The following CLEC4F variants were observed in gnomAD, a reference collection of about 807,000 sequenced individuals.
CLEC4F encodes C-type lectin domain family 4 member F, also known as C-type (calcium dependent, carbohydrate-recognition domain) lectin, superfamily member 13.
Under a neutral mutation model 53.4 loss-of-function variants are expected in CLEC4F, and 45 were observed. The observed-to-expected ratio is 0.84, with a 90% CI of 0.66 to 1.08. The LOEUF is 1.08. CLEC4F is among the 50% of genes least tolerant of loss of function. CLEC4F has a pLI of 0.00. For synonymous variants in CLEC4F, 245 were observed against 257.5 expected (o/e 0.95, Z 0.46); for missense variants, 753 against 698.2 (o/e 1.08, Z -0.88).
chr2:70,812,363 C>G, intron 5 of CLEC4F, 84 bp downstream of exon 5: 1 of 1,469,308 alleles, frequency 6.8e-7, no homozygotes, highest in Non-Finnish European at 9.3e-7. Flanking sequence ...CCGTCATACC[C>G]ACTGAGAGCA....
chr2:70,818,478 G>A (rs1553396974), intron 3 of CLEC4F, among the ~76,000 whole-genome samples: 3 of 152,100 alleles, frequency 2.0e-5, no homozygotes, highest in South Asian at 4.2e-4. Context: ...TTGGGAGGCT[G>A]AGGTGGGCAG....
At chr2:70,811,076 A>G (rs1455571165) in intron 5 of CLEC4F, 20 of 678,830 alleles carry the variant, frequency 2.9e-5, no homozygotes, top group Non-Finnish European at 5.4e-5. Flanking sequence ...TTCAGAAGAC[A>G]TGCAGCACCA....
rs1005833247 is a variant in CLEC4F at position 70,820,352 on chromosome 2, A to G, written c.61+111T>C. On this transcript the variant is annotated intron_variant, in intron 1 of 6. Transcript: ENST00000272367. ...TTGCCAGGTCTGCATCCCCAAGGAC[A>G]AGGGTCTGGGGAGAGCAATAAGACA... 4 of 895,846 alleles carry G rather than the reference A, an allele frequency of 4.5e-6. No individual in the cohort carries two copies. In the South Asian group the frequency reaches 7.7e-5, roughly 17 times the overall value. The allele number at this position is 895,846 out of a possible 1,614,324, so 55.5% of individuals were successfully genotyped here.
Position 70,816,334 on chromosome 2 carries a change from A to C in CLEC4F, c.1047T>G (p.Asn349Lys), listed in dbSNP as rs1676906382. 4 of 1,614,006 alleles carry C rather than the reference A, an allele frequency of 2.5e-6. No individual in the cohort carries two copies. In the African/African-American group the frequency reaches 5.3e-5, roughly 22 times the overall value. ...KMVTAQTQKANGRLDQTDTQI... is the reference protein window; with the variant it reads ...KMVTAQTQKAKGRLDQTDTQI... ...GAGTATCTGTCTGGTCCAGACGGCC[A>C]TTTGCTTTTTGGGTCTGGGCTGTGA... The change falls in exon 4 of 7, where the codon AAT (asparagine) becomes AAG (lysine). Residue 349 changes from asparagine (N) to lysine (K), a missense_variant. Coordinates refer to ENST00000272367, the MANE Select transcript of CLEC4F (RefSeq NM_173535.3).
intron 4 of CLEC4F, among the ~76,000 whole-genome samples, chr2:70,813,824 C>T (rs957454625): frequency 1.3e-5 from 2 of 151,890 alleles, no homozygotes; most frequent in East Asian, 3.9e-4. Flanking sequence ...TTACAGGTGC[C>T]CGCCACCATG....
At chr2:70,809,590 A>G (rs1424106280) in intron 6 of CLEC4F, 149 bp downstream of exon 6, 20 of 782,584 alleles carry the variant, frequency 2.6e-5, no homozygotes, top group African/African-American at 1.2e-4. Context: ...TACATGGCAC[A>G]CACACCACAC....
chr2:70,821,150 C>T (rs1677204235), upstream of CLEC4F, among the ~76,000 whole-genome samples: 1 of 152,100 alleles, frequency 6.6e-6, no homozygotes, highest in African/African-American at 2.4e-5. Flanking sequence ...GAAACAAATC[C>T]CCTGCAGATA....
At chr2:70,812,340 G>C in intron 5 of CLEC4F, 107 bp downstream of exon 5, 2 of 1,220,766 alleles carry the variant, frequency 1.6e-6, no homozygotes, top group African/African-American at 1.5e-5. Context: ...TGGCAGAGGA[G>C]ACATGGAGGT....
rs1676942154 is a variant in CLEC4F, at chr2:70,816,799, A to G, written c.582T>C (p.Thr194=). Residue 194 remains threonine (T), a synonymous_variant, in exon 4 of 7, where the codon ACT becomes ACC. Transcript: ENST00000272367. ...TTTTTAAGAAATTCAGCGTCTGGAA[A>G]GTTAAAGCATCTGCCTTTTCAAGGT... ...KEDLEKADAL[T]FQTLNFLKSS... 6.2e-7 allele frequency: 1 copy of G among 1,613,952 alleles called. No individual in the cohort carries two copies. Among genetic ancestry groups the G allele is most frequent in the South Asian group, 1.1e-5 (1 of 91,086 alleles).
chr2:70,823,645 A>G (rs563409568), upstream of CLEC4F, among the ~76,000 whole-genome samples: 358 of 152,144 alleles, frequency 2.4e-3, 6 homozygotes, highest in Non-Finnish European at 2.9e-3. Flanking sequence ...CAGGAACACC[A>G]TCTACCAGCA....
chr2:70,820,572 A>G lies in CLEC4F; in HGVS notation c.-49T>C, dbSNP rs1162088512. On this transcript the variant is annotated 5_prime_UTR_variant, in exon 1 of 7. Transcript: ENST00000272367. Reference sequence around the variant, plus strand: ...ACTGCTCCCAGCCACTGGCTCCTGGAAGGGCCGTCCCGTGGACCAATGGCA... The same window carrying G: ...ACTGCTCCCAGCCACTGGCTCCTGGGAGGGCCGTCCCGTGGACCAATGGCA... The G allele has an allele frequency of 2.6e-5, 40 of 1,547,468 alleles. No individual in the cohort carries two copies. The highest frequency in any genetic ancestry group is 3.4e-5 in the Non-Finnish European group (39 of 1,142,410).
intron 4 of CLEC4F, among the ~76,000 whole-genome samples, chr2:70,815,092 T>C (rs1676822916): frequency 6.6e-6 from 1 of 152,194 alleles, no homozygotes; most frequent in African/African-American, 2.4e-5. Flanking sequence ...CCCTCATTTG[T>C]TAGCCCCCAT....
At chr2:70,821,898 G>A (rs1345895323), upstream of CLEC4F, among the ~76,000 whole-genome samples, 1 of 152,146 alleles carries the variant, frequency 6.6e-6, no homozygotes, top group African/African-American at 2.4e-5. Flanking sequence ...GACTACAGGT[G>A]TGTGCCAACA....
chr2:70,808,924 T>C lies in CLEC4F; in HGVS notation c.*347A>G. ...CAGGAGCAGCCCCTCAGCTCTGGCC[T>C]GCCCTCAGGCCACACCCTGGCCCAT... On this transcript the variant is annotated 3_prime_UTR_variant, in exon 7 of 7. Coordinates refer to ENST00000272367, the MANE Select transcript of CLEC4F (RefSeq NM_173535.3). 1 of 707,344 alleles carries C rather than the reference T, an allele frequency of 1.4e-6. No homozygotes were observed. Among genetic ancestry groups the C allele is most frequent in the Non-Finnish European group, 2.4e-6 (1 of 421,116 alleles). The allele number at this position is 707,344 out of a possible 1,614,324, so 43.8% of individuals were successfully genotyped here. A position where few individuals can be genotyped will look rare whatever the true frequency, so the allele number is the denominator to read the frequency against.
At position 70,813,597 on chromosome 2, in the gene CLEC4F, C is replaced by CTTTCTT. The variant is rs1553394931; in HGVS notation, c.1388-1000_1388-999insAAGAAA. ...TCTTTTTCTTTCTCTCTCTTTCTTT[C>CTTTCTT]TCTTTCTTTCTTTCTTTCTTTCTTT... On this transcript the variant is annotated intron_variant, in intron 4 of 6. Coordinates refer to ENST00000272367, the MANE Select transcript of CLEC4F (RefSeq NM_173535.3). 2.4e-3 allele frequency among the ~76,000 whole-genome samples: 253 copies of CTTTCTT among 106,262 alleles called. 2 individuals are homozygous for CTTTCTT. The highest frequency in any genetic ancestry group is 3.5e-3 in the Non-Finnish European group (187 of 53,638). The allele number at this position is 106,262 out of a possible 152,430, so 69.7% of individuals were successfully genotyped here.
chr2:70,822,802 T>G (rs549760215), upstream of CLEC4F, among the ~76,000 whole-genome samples: 133 of 152,324 alleles, frequency 8.7e-4, no homozygotes, highest in African/African-American at 2.8e-3. Context: ...TCCATCCATG[T>G]TGTGTTGTTT....
chr2:70,808,799 G>A lies in CLEC4F; in HGVS notation c.*472C>T. On this transcript the variant is annotated 3_prime_UTR_variant, in exon 7 of 7. Transcript: ENST00000272367. ...GCATGTTTGAAAGGGCTGAATCAAA[G>A]AACAAGGCAGGAAGTCCACAAGGCC... 2.2e-6 allele frequency: 1 copy of A among 458,266 alleles called. No homozygotes were observed. Among genetic ancestry groups the A allele is most frequent in the African/African-American group, 2.0e-5 (1 of 50,750 alleles). 28.4% of individuals were successfully genotyped at this position (458,266 alleles called of 1,614,324 possible). A position where few individuals can be genotyped will look rare whatever the true frequency, so the allele number is the denominator to read the frequency against.
chr2:70,815,757 C>T (rs1676862311), intron 4 of CLEC4F, among the ~76,000 whole-genome samples: 1 of 152,160 alleles, frequency 6.6e-6, no homozygotes, highest in Non-Finnish European at 1.5e-5. Flanking sequence ...ACACGTGCAC[C>T]ATTTACAGTT....
chr2:70,815,736 G>T (rs367562899), intron 4 of CLEC4F, among the ~76,000 whole-genome samples: 2 of 152,150 alleles, frequency 1.3e-5, no homozygotes, highest in African/African-American at 4.8e-5. Flanking sequence ...AGCCCATGCC[G>T]TCCTTATCAC....
Sources: allele counts gnomAD v4.1 joint callset (sites outside exome capture counted in the v4.1 genomes callset), GRCh38; gene constraint gnomAD v4.1.1; transcripts MANE v1.5; gene names NCBI Gene and HGNC (gene_info 2026-07-23, HGNC 2026-07-21).